Variants in PRKCE observed in about 807,000 individuals in gnomAD.
The protein encoded by PRKCE is protein kinase C epsilon type.
A neutral mutation model predicts 85.4 loss-of-function variants in PRKCE; 16 were observed. The ratio of observed to expected loss-of-function variants is 0.19; its 90% CI spans 0.13 to 0.28. PRKCE has a LOEUF of 0.28. Ranked by LOEUF, PRKCE falls within the 10% of genes least tolerant of loss-of-function variation. The pLI, the probability that PRKCE is intolerant of heterozygous loss-of-function variation, is 1.00. For synonymous variants in PRKCE, 388 were observed against 371.5 expected (o/e 1.04, Z -0.51); for missense variants, 573 against 975.2 (o/e 0.59, Z 5.49).
intron 1 of PRKCE, among the ~76,000 whole-genome samples, chr2:45,664,791 G>GCCTA (rs1243609052): frequency 1.3e-5 from 2 of 152,218 alleles, no homozygotes; most frequent in African/African-American, 4.8e-5. Flanking sequence ...TAGCTTGTGG[G>GCCTA]CCTAGTGTGG....
chr2:45,817,748 G>A (rs1689196957), intron 1 of PRKCE, among the ~76,000 whole-genome samples: 1 of 152,186 alleles, frequency 6.6e-6, no homozygotes, highest in Non-Finnish European at 1.5e-5. Flanking sequence ...CCGAGGCTTT[G>A]CTAGGTTCAG....
chr2:46,031,755 G>A (rs1157634940), intron 10 of PRKCE, among the ~76,000 whole-genome samples: 3 of 151,950 alleles, frequency 2.0e-5, no homozygotes, highest in East Asian at 3.9e-4. Context: ...AACTAAAATC[G>A]GCTGATTTAG....
intron 1 of PRKCE, among the ~76,000 whole-genome samples, chr2:45,837,251 G>A (rs1373219516): frequency 6.6e-6 from 1 of 152,164 alleles, no homozygotes. Flanking sequence ...CAGGAGTTGA[G>A]GGAGCAAGTT....
At chr2:45,747,816 C>T (rs1039412189) in intron 1 of PRKCE, among the ~76,000 whole-genome samples, 1 of 152,170 alleles carries the variant, frequency 6.6e-6, no homozygotes, top group African/African-American at 2.4e-5. Flanking sequence ...TTTACATTCC[C>T]ACTGACAATG....
At chr2:46,069,073 G>C (rs1217495256) in intron 10 of PRKCE, among the ~76,000 whole-genome samples, 1 of 152,274 alleles carries the variant, frequency 6.6e-6, no homozygotes, top group Non-Finnish European at 1.5e-5. Flanking sequence ...AAGCACTGCT[G>C]CTTAGAACTG....
chr2:45,899,662 C>G (rs1198730700), intron 2 of PRKCE, among the ~76,000 whole-genome samples: 1 of 152,170 alleles, frequency 6.6e-6, no homozygotes, highest in African/African-American at 2.4e-5. Flanking sequence ...AGATTACAGG[C>G]ATGAGCTACT....
intron 11 of PRKCE, among the ~76,000 whole-genome samples, chr2:46,115,954 C>T (rs2104282532): frequency 6.6e-6 from 1 of 152,150 alleles, no homozygotes; most frequent in East Asian, 1.9e-4. Flanking sequence ...CAACCAAGGG[C>T]CTAAAGTTAC....
chr2:45,818,076 T>C (rs1447942619), intron 1 of PRKCE, among the ~76,000 whole-genome samples: 1 of 152,220 alleles, frequency 6.6e-6, no homozygotes, highest in East Asian at 1.9e-4. Context: ...ATTCTGTGAC[T>C]TTTTCTCCTT....
intron 1 of PRKCE, among the ~76,000 whole-genome samples, chr2:45,787,296 T>G (rs1223481551): frequency 6.6e-6 from 1 of 151,992 alleles, no homozygotes; most frequent in Non-Finnish European, 1.5e-5. Flanking sequence ...GGGGGTGGAT[T>G]TGGAGAACAA....
chr2:45,819,319 G>A (rs1431325187), intron 1 of PRKCE, among the ~76,000 whole-genome samples: 1 of 152,196 alleles, frequency 6.6e-6, no homozygotes, highest in African/African-American at 2.4e-5. Flanking sequence ...CAGGCAGTCT[G>A]GCTCCCAATC....
chr2:45,788,526 C>T (rs1222617382), intron 1 of PRKCE, among the ~76,000 whole-genome samples: 2 of 152,148 alleles, frequency 1.3e-5, no homozygotes, highest in Admixed American at 1.3e-4. Context: ...AATCAGGGGG[C>T]CTGCTTCTAC....
intron 14 of PRKCE, among the ~76,000 whole-genome samples, chr2:46,171,062 C>T (rs770096157): frequency 2.6e-5 from 4 of 152,162 alleles, no homozygotes; most frequent in East Asian, 1.9e-4. Context: ...AAGTTGCCAC[C>T]GTTTTCTTAC....
chr2:45,744,200 C>A (rs533391298), intron 1 of PRKCE, among the ~76,000 whole-genome samples: 3 of 152,028 alleles, frequency 2.0e-5, no homozygotes, highest in African/African-American at 4.8e-5. Context: ...ATACAATATG[C>A]GTAATATTCG....
intron 10 of PRKCE, among the ~76,000 whole-genome samples, chr2:46,065,807 G>A (rs1201826449): frequency 1.3e-5 from 2 of 151,684 alleles, no homozygotes; most frequent in Non-Finnish European, 2.9e-5. Context: ...CCATGGTACT[G>A]ATCCCAGGAA....
At chr2:45,789,541 G>A (rs1686873092) in intron 1 of PRKCE, among the ~76,000 whole-genome samples, 1 of 152,196 alleles carries the variant, frequency 6.6e-6, no homozygotes. Flanking sequence ...GAGGCAGGAG[G>A]ATTGTTTGAG....
chr2:45,869,704 C>CTTTTT (rs1246509613), intron 2 of PRKCE, among the ~76,000 whole-genome samples: 5 of 116,860 alleles, frequency 4.3e-5, no homozygotes, highest in Admixed American at 2.1e-4. Flanking sequence ...GTTTCTCTCT[C>CTTTTT]TCTTTTTTTT....
chr2:45,661,536 T>TTTTTTTTTTTTTTTG (rs1675654749), intron 1 of PRKCE, among the ~76,000 whole-genome samples: 1 of 137,400 alleles, frequency 7.3e-6, no homozygotes, highest in Non-Finnish European at 1.6e-5. Flanking sequence ...TTTTGTTTTT[T>TTTTTTTTTTTTTTTG]TTTTTTTTTT....
intron 11 of PRKCE, among the ~76,000 whole-genome samples, chr2:46,114,189 G>C (rs1672531629): frequency 6.6e-6 from 1 of 152,056 alleles, no homozygotes; most frequent in Admixed American, 6.5e-5. Context: ...GGTATGTCGA[G>C]AGGCACAGAA....
intron 8 of PRKCE, among the ~76,000 whole-genome samples, chr2:46,006,719 G>T (rs1705229609): frequency 1.3e-5 from 2 of 152,188 alleles, no homozygotes; most frequent in Admixed American, 1.3e-4. Context: ...GGATCATCCA[G>T]CATTATCTCC....
Sources: gnomAD v4.1 joint callset for allele counts (sites outside exome capture counted in the v4.1 genomes callset) on GRCh38, gnomAD v4.1.1 for gene constraint, MANE v1.5 for transcripts, NCBI Gene and HGNC (gene_info 2026-07-23, HGNC 2026-07-21) for gene names.